The following CFAP299 variants were observed in gnomAD, a reference collection of about 807,000 sequenced individuals.
CFAP299 encodes the protein cilia- and flagella-associated protein 299.
CFAP299 carries 21 observed loss-of-function variants against 27.0 expected under a neutral mutation model. The observed-to-expected ratio is 0.78, with a 90% CI of 0.55 to 1.12. CFAP299 has a LOEUF of 1.12. Ranked by LOEUF, CFAP299 falls within the 50% of genes most tolerant of loss-of-function variation. The probability of loss-of-function intolerance (pLI) is 0.00; values close to 1 mark genes in which losing one functional copy is unlikely to be tolerated. For synonymous variants in CFAP299, 104 were observed against 98.1 expected (o/e 1.06, Z -0.36); for missense variants, 310 against 276.6 (o/e 1.12, Z -0.86).
At chr4:80,450,425 A>G (rs1304126009) in intron 2 of CFAP299, among the ~76,000 whole-genome samples, 1 of 152,194 alleles carries the variant, frequency 6.6e-6, no homozygotes, top group African/African-American at 2.4e-5. Context: ...ATTGCTTAGA[A>G]TCCCTGAAGA....
chr4:80,885,555 A>G (rs949809121), intron 4 of CFAP299, among the ~76,000 whole-genome samples: 2 of 152,194 alleles, frequency 1.3e-5, no homozygotes, highest in African/African-American at 4.8e-5. Context: ...GGAAACAGGC[A>G]GAGTCCTGAG....
At chr4:80,895,381 C>A (rs1246948829) in intron 4 of CFAP299, among the ~76,000 whole-genome samples, 1 of 151,856 alleles carries the variant, frequency 6.6e-6, no homozygotes, top group Admixed American at 6.6e-5. Context: ...TTAATTTGAA[C>A]CACTTTAAAG....
At chr4:80,633,289 A>G (rs1038113896) in intron 3 of CFAP299, among the ~76,000 whole-genome samples, 2 of 152,148 alleles carry the variant, frequency 1.3e-5, no homozygotes, top group Non-Finnish European at 2.9e-5. Flanking sequence ...TCTACTAAAA[A>G]TACAAAATTA....
At chr4:80,397,744 C>A (rs1446721538) in intron 2 of CFAP299, among the ~76,000 whole-genome samples, 1 of 152,128 alleles carries the variant, frequency 6.6e-6, no homozygotes, top group Non-Finnish European at 1.5e-5. Context: ...TGAGTGGGCA[C>A]AAACTGGAAG....
intron 3 of CFAP299, among the ~76,000 whole-genome samples, chr4:80,719,969 A>C (rs1468121740): frequency 6.6e-6 from 1 of 152,194 alleles, no homozygotes; most frequent in Non-Finnish European, 1.5e-5. Flanking sequence ...GGTTTCTGAG[A>C]GATGGGAAAC....
At chr4:80,804,758 G>C (rs1393505263) in intron 3 of CFAP299, among the ~76,000 whole-genome samples, 1 of 151,914 alleles carries the variant, frequency 6.6e-6, no homozygotes, top group African/African-American at 2.4e-5. Context: ...TAATCTATTT[G>C]TGTCTTCGGA....
chr4:80,822,498 TATTTA>T (rs1414395331), intron 3 of CFAP299, among the ~76,000 whole-genome samples: 1 of 152,200 alleles, frequency 6.6e-6, no homozygotes, highest in Non-Finnish European at 1.5e-5. Flanking sequence ...GCCTGCTCAG[TATTTA>T]AAATATTCAG....
intron 5 of CFAP299, among the ~76,000 whole-genome samples, chr4:80,950,555 G>A (rs1195402605): frequency 1.3e-5 from 2 of 152,114 alleles, no homozygotes; most frequent in African/African-American, 2.4e-5. Context: ...CATGAGGACT[G>A]GAGAGGAAGG....
At chr4:80,552,377 G>A (rs1240185835) in intron 2 of CFAP299, among the ~76,000 whole-genome samples, 1 of 152,052 alleles carries the variant, frequency 6.6e-6, no homozygotes, top group Non-Finnish European at 1.5e-5. Context: ...TCTTTTCCGT[G>A]GCCTCGACCT....
intron 2 of CFAP299, chr4:80,386,262 G>A (rs987485898): frequency 2.5e-6 from 3 of 1,197,786 alleles, no homozygotes; most frequent in Non-Finnish European, 3.6e-6. Flanking sequence ...CCAGAGCCAG[G>A]TTGGAGCCCA....
chr4:80,678,823 C>T (rs1719642278), intron 3 of CFAP299, among the ~76,000 whole-genome samples: 1 of 152,004 alleles, frequency 6.6e-6, no homozygotes, highest in Admixed American at 6.6e-5. Flanking sequence ...GTACCTTTCA[C>T]CCAGTTTCCT....
chr4:80,460,196 TC>T (rs1415487657), intron 2 of CFAP299, among the ~76,000 whole-genome samples: 1 of 152,082 alleles, frequency 6.6e-6, no homozygotes, highest in Non-Finnish European at 1.5e-5. Context: ...TGTCAGACTC[TC>T]ATTCTCTCTC....
At chr4:80,527,816 G>A (rs1458170966) in intron 2 of CFAP299, among the ~76,000 whole-genome samples, 1 of 152,062 alleles carries the variant, frequency 6.6e-6, no homozygotes, top group Non-Finnish European at 1.5e-5. Context: ...ATTCTATGAT[G>A]TTGTTATATA....
At chr4:80,418,198 A>G (rs916391778) in intron 2 of CFAP299, among the ~76,000 whole-genome samples, 2 of 151,848 alleles carry the variant, frequency 1.3e-5, no homozygotes, top group African/African-American at 4.8e-5. Context: ...ATCACTGTAA[A>G]TTTTGTGATT....
chr4:80,350,414 C>A (rs1345404200), intron 1 of CFAP299, among the ~76,000 whole-genome samples: 1 of 152,170 alleles, frequency 6.6e-6, no homozygotes, highest in African/African-American at 2.4e-5. Context: ...CTGAATATTA[C>A]CCAGCAATCC....
chr4:80,944,769 C>A, intron 4 of CFAP299, 41 bp from the exon 5 acceptor site: 1 of 1,434,078 alleles, frequency 7.0e-7, no homozygotes, highest in South Asian at 1.2e-5. Context: ...CAATTTAATG[C>A]ATTATACATC....
intron 2 of CFAP299, among the ~76,000 whole-genome samples, chr4:80,470,921 G>A (rs1729962099): frequency 6.6e-6 from 1 of 152,112 alleles, no homozygotes; most frequent in Non-Finnish European, 1.5e-5. Flanking sequence ...ACCAAATAAA[G>A]TTTAAATGAA....
At chr4:80,437,654 T>A (rs1397340288) in intron 2 of CFAP299, among the ~76,000 whole-genome samples, 1 of 152,178 alleles carries the variant, frequency 6.6e-6, no homozygotes, top group Non-Finnish European at 1.5e-5. Flanking sequence ...ATAAGATACA[T>A]CTTCCAAGGC....
intron 2 of CFAP299, among the ~76,000 whole-genome samples, chr4:80,555,115 C>T (rs528075106): frequency 5.0e-4 from 76 of 152,008 alleles, no homozygotes; most frequent in Non-Finnish European, 8.5e-4. Context: ...TTGCCCATTC[C>T]GTATGATGTT....
Sources: gnomAD v4.1 joint callset for allele counts (sites outside exome capture counted in the v4.1 genomes callset) on GRCh38, gnomAD v4.1.1 for gene constraint, MANE v1.5 for transcripts, NCBI Gene and HGNC (gene_info 2026-07-23, HGNC 2026-07-21) for gene names.